The following SETX variants were observed in gnomAD, a reference collection of about 807,000 sequenced individuals.
SETX encodes the protein helicase senataxin.
In SETX, 90 loss-of-function variants were observed where a neutral mutation model predicts 227.2. The ratio of observed to expected loss-of-function variants is 0.40; its 90% confidence interval spans 0.33 to 0.47. The LOEUF (loss-of-function observed/expected upper bound fraction) is 0.47. SETX is among the 20% of genes least tolerant of loss of function. The probability of loss-of-function intolerance (pLI) is 0.91; values close to 1 mark genes in which losing one functional copy is unlikely to be tolerated. For synonymous variants in SETX, 1,210 were observed against 1,113.2 expected (o/e 1.09, Z -1.73); for missense variants, 3,052 against 3,181.5 (o/e 0.96, Z 0.98).
rs1422183222 is a variant in SETX, at chr9:132,330,026, A to G, written c.1572T>C (p.His524=). The change falls in exon 10 of 26, where the codon CAT becomes CAC. Residue 524 remains histidine (H), a synonymous_variant. Coordinates refer to ENST00000224140, the MANE Select transcript of SETX (RefSeq NM_015046.7). ...GTTGTACAGAGTTAGATGGCATGGA[A>G]TGCAATGACAGTGAAGATATCATTG... is the stretch of plus-strand genomic sequence containing the variant. The part of the protein sequence containing the change: ...GTAMISSLSL[H]SMPSNSVQLA... The G allele has an allele frequency of 6.2e-7, 1 of 1,614,234 alleles. No individual in the cohort carries two copies. Among genetic ancestry groups the G allele is most frequent in the Admixed American group, 1.7e-5 (1 of 60,030 alleles).
At position 132,328,008 on chromosome 9, in the gene SETX, T is replaced by A; in HGVS notation, c.3590A>T (p.Asp1197Val). Residue 1197 changes from aspartate to valine, a missense_variant, in exon 10 of 26, where the codon GAT becomes GTT. Asp to Val is a radical substitution (Grantham distance 152, BLOSUM62 -3). Around this residue, in one of 10 missense-constraint regions of SETX, gnomAD observed 1,483 missense variants for 1,312.0 expected, o/e 1.13. Transcript: ENST00000224140. ...AGTCCTTCTATCAATACTTTTAAAA[T>A]CATTTCCCACAAGATCTCTCTTATT... ...DTNKRDLVGN[D>V]FKSIDRRTST... 1 of 1,613,922 alleles carries A rather than the reference T, an allele frequency of 6.2e-7. No individual in the cohort carries two copies. The highest frequency in any genetic ancestry group is 8.5e-7 in the Non-Finnish European group (1 of 1,179,956).
chr9:132,304,396 T>C (rs1050109247), intron 11 of SETX, among the ~76,000 whole-genome samples: 1 of 152,020 alleles, frequency 6.6e-6, no homozygotes, highest in African/African-American at 2.4e-5. Context: ...GAACAAACTC[T>C]GGACTTCACT....
chr9:132,282,517 T>TGG (rs1300394792), intron 19 of SETX, among the ~76,000 whole-genome samples: 1 of 152,002 alleles, frequency 6.6e-6, no homozygotes, highest in East Asian at 1.9e-4. Context: ...CTCAAACTCC[T>TGG]GGGCTCAAGC....
intron 10 of SETX, among the ~76,000 whole-genome samples, chr9:132,316,719 T>C (rs147793917): frequency 0.017 from 2,627 of 152,330 alleles, 44 homozygotes; most frequent in Non-Finnish European, 0.03. Flanking sequence ...TTATCTAAGA[T>C]TGACACATAT....
At chr9:132,344,116 G>C (rs933044134) in intron 4 of SETX, among the ~76,000 whole-genome samples, 5 of 152,148 alleles carry the variant, frequency 3.3e-5, no homozygotes, top group Admixed American at 1.3e-4. Context: ...CAGAGAAGCG[G>C]GTTTTGCAAC....
chr9:132,290,574 CAAAAAAAAAAAAAA>C (rs59954158), intron 15 of SETX, among the ~76,000 whole-genome samples: 1 of 44,722 alleles, frequency 2.2e-5, no homozygotes, highest in African/African-American at 5.8e-5. Context: ...GACTCCGTCT[CAAAAAAAAAAAAAA>C]AAAAAAAAAA....
chr9:132,293,305 G>A (rs1032530847), intron 15 of SETX, among the ~76,000 whole-genome samples: 3 of 152,112 alleles, frequency 2.0e-5, no homozygotes, highest in African/African-American at 7.2e-5. Flanking sequence ...ATACTTAATG[G>A]AGAGACGTTC....
intron 2 of SETX, 51 bp downstream of exon 2, chr9:132,353,598 A>G (rs1028089256): frequency 2.0e-5 from 3 of 149,432 alleles, no homozygotes; most frequent in Non-Finnish European, 3.0e-5. Context: ...TGTTTCCATC[A>G]TTGCACTTAC....
At chr9:132,288,118 G>T (rs1259273925) in intron 17 of SETX, 118 bp downstream of exon 17, 6 of 777,470 alleles carry the variant, frequency 7.7e-6, no homozygotes, top group Non-Finnish European at 1.3e-5. Context: ...TGAGGCTGCA[G>T]TGAGTCAGGA....
intron 5 of SETX, among the ~76,000 whole-genome samples, chr9:132,341,157 G>A (rs1781166877): frequency 6.6e-6 from 1 of 152,094 alleles, no homozygotes; most frequent in African/African-American, 2.4e-5. Context: ...GACCAGCCTG[G>A]CCAACCTGGT....
intron 3 of SETX, among the ~76,000 whole-genome samples, chr9:132,348,346 G>A (rs1435988761): frequency 7.6e-6 from 1 of 131,072 alleles, no homozygotes; most frequent in African/African-American, 2.8e-5. Flanking sequence ...CTGGACAAGA[G>A]AGTGAGACTC....
chr9:132,264,926 C>T lies in SETX; in HGVS notation c.7347G>A (p.Lys2449=). The T allele has an allele frequency of 6.2e-7, 1 of 1,614,102 alleles. No homozygotes were observed. Among genetic ancestry groups the T allele is most frequent in the Non-Finnish European group, 8.5e-7 (1 of 1,180,016 alleles). ...CATGTCTATAGTTTTTGTCACAGGTCTTAATAATGGCACCACGCTTCTGAG... is the reference window on the plus strand; with the variant it reads ...CATGTCTATAGTTTTTGTCACAGGTTTTAATAATGGCACCACGCTTCTGAG... The part of the protein sequence containing the change: ...QDAQKRGAII[K]TCDKNYRHDA... The change falls in exon 26 of 26, where the codon AAG becomes AAA. Residue 2449 remains lysine, a synonymous_variant. Coordinates refer to ENST00000224140, the MANE Select transcript of SETX (RefSeq NM_015046.7).
At chr9:132,346,836 T>C (rs1848320788) in intron 3 of SETX, among the ~76,000 whole-genome samples, 1 of 151,180 alleles carries the variant, frequency 6.6e-6, no homozygotes, top group Non-Finnish European at 1.5e-5. Flanking sequence ...ATGCCTACAG[T>C]CCTAGCTTCT....
At position 132,264,910 on chromosome 9, in the gene SETX, A is replaced by G; in HGVS notation, c.7363T>C (p.Tyr2455His). The change falls in exon 26 of 26, where the codon TAT becomes CAT. Residue 2455 changes from tyrosine to histidine, a missense_variant. Tyr to His is a moderately conservative substitution (Grantham distance 83). Coordinates refer to ENST00000224140, the MANE Select transcript of SETX (RefSeq NM_015046.7). ...GAIIKTCDKN[Y>H]RHDAVKILKL... The stretch of plus-strand genomic sequence containing the variant: ...AGAATCTTCACTGCATCATGTCTAT[A>G]GTTTTTGTCACAGGTCTTAATAATG... 1 of 1,614,098 alleles carries G rather than the reference A, an allele frequency of 6.2e-7. No individual in the cohort carries two copies. Among genetic ancestry groups the G allele is most frequent in the Non-Finnish European group, 8.5e-7 (1 of 1,180,014 alleles).
Position 132,349,247 on chromosome 9 carries a change from T to C in SETX, c.177+5A>G, listed in dbSNP as rs569799816. 6.2e-7 allele frequency: 1 copy of C among 1,613,780 alleles called. No homozygotes were observed. Among genetic ancestry groups the C allele is most frequent in the Admixed American group, 1.7e-5 (1 of 60,008 alleles). On this transcript the variant is annotated splice_donor_5th_base_variant and intron_variant, in intron 3 of 25. Coordinates refer to ENST00000224140, the MANE Select transcript of SETX (RefSeq NM_015046.7). The stretch of plus-strand genomic sequence containing the variant: ...GAAAAATATTGCCCATCTAATATAT[T>C]TTACCTCATGCAAGAATGGCAATTC...
At chr9:132,303,697 G>A (rs1845160915) in intron 11 of SETX, among the ~76,000 whole-genome samples, 2 of 152,082 alleles carry the variant, frequency 1.3e-5, no homozygotes, top group Admixed American at 1.3e-4. Flanking sequence ...AACTAAAAAT[G>A]GAAGATACAT....
At chr9:132,317,957 C>T (rs1846088850) in intron 10 of SETX, among the ~76,000 whole-genome samples, 1 of 152,186 alleles carries the variant, frequency 6.6e-6, no homozygotes, top group Non-Finnish European at 1.5e-5. Flanking sequence ...TTCTCCATTT[C>T]TAAGAAAATC....
chr9:132,331,037 C>G lies in SETX; in HGVS notation c.1098+15G>C. On this transcript the variant is annotated intron_variant, in intron 9 of 25. Coordinates refer to ENST00000224140, the MANE Select transcript of SETX (RefSeq NM_015046.7). ...GGCAATAAAATAGCATCTGAATTTT[C>G]AAAGTGTTTTATACCTTTTTGGTCT... 1 of 1,571,358 alleles carries G rather than the reference C, an allele frequency of 6.4e-7. No homozygotes were observed. The highest frequency in any genetic ancestry group is 8.8e-7 in the Non-Finnish European group (1 of 1,140,706).
In SETX at chr9:132,275,281, A is replaced by G. The variant is rs1178079085; in HGVS notation, c.7075T>C (p.Leu2359=). The G allele has an allele frequency of 3.1e-6, 5 of 1,614,022 alleles. No homozygotes were observed. The highest frequency in any genetic ancestry group is 4.2e-6 in the Non-Finnish European group (5 of 1,180,018). Residue 2359 remains leucine, a synonymous_variant, in exon 23 of 26, where the codon TTG becomes CTG. Transcript: ENST00000224140. ...CCTTTTCTATCGAACTCTTTGTCCA[A>G]ATCCTTCTGAATCATCGTCTTCTGG... ...KAQKTMIQKD[L]DKEFDRKGPA... is the part of the protein sequence containing the mutation.
Sources: gnomAD v4.1 joint callset for allele counts (sites outside exome capture counted in the v4.1 genomes callset) on GRCh38, gnomAD v4.1.1 for gene constraint, gnomAD v4.1.1 regional missense constraint, MANE v1.5 for transcripts, NCBI Gene and HGNC (gene_info 2026-07-23, HGNC 2026-07-21) for gene names.